The following FBXL4 variants were observed in gnomAD, a reference collection of about 807,000 sequenced individuals.
The protein encoded by FBXL4 is F-box and leucine rich repeat protein 4, also known as F-box/LRR-repeat protein 4.
FBXL4 carries 40 observed loss-of-function variants against 58.9 expected under a neutral mutation model. The observed-to-expected ratio is 0.68, with a 90% CI of 0.53 to 0.88. The LOEUF (loss-of-function observed/expected upper bound fraction) is 0.88. FBXL4 is among the 40% of genes least tolerant of loss of function. The pLI, the probability that FBXL4 is intolerant of heterozygous loss-of-function variation, is 0.00. For synonymous variants in FBXL4, 263 were observed against 265.5 expected (o/e 0.99, Z 0.09); for missense variants, 676 against 734.4 (o/e 0.92, Z 0.92).
At chr6:98,896,120 A>G (rs1490232117) in intron 7 of FBXL4, among the ~76,000 whole-genome samples, 3 of 152,152 alleles carry the variant, frequency 2.0e-5, no homozygotes, top group Non-Finnish European at 4.4e-5. Context: ...ATTTGAAATC[A>G]ATTACTGCTC....
rs578057768 is a variant in FBXL4, at chr6:98,872,069, C to T, written c.*2209G>A. The T allele has an allele frequency of 6.6e-6, 1 of 152,314 alleles. No individual in the cohort carries two copies. The highest frequency in any genetic ancestry group is 2.1e-4 in the South Asian group (1 of 4,824). The allele number at this position is 152,314 out of a possible 1,614,324, so 9.4% of individuals were successfully genotyped here. ...TTGAATTACAAGTAACAACAAGCTG[C>T]TTTACACATTTCCTGTGCTATCAAA... On this transcript the variant is annotated 3_prime_UTR_variant, in exon 10 of 10. Transcript: ENST00000369244.
chr6:98,920,526 A>G (rs953339365), intron 4 of FBXL4, among the ~76,000 whole-genome samples: 7 of 152,116 alleles, frequency 4.6e-5, no homozygotes, highest in African/African-American at 1.7e-4. Flanking sequence ...TTTTCTTGAT[A>G]ACCTAAAAAG....
intron 1 of FBXL4, among the ~76,000 whole-genome samples, chr6:98,939,175 TGAGA>T (rs1387914357): frequency 4.8e-5 from 7 of 146,046 alleles, no homozygotes; most frequent in African/African-American, 1.5e-4. Flanking sequence ...CGAAATGAAA[TGAGA>T]GAGAGAAAGA....
chr6:98,921,114 A>C (rs989034513), intron 4 of FBXL4, among the ~76,000 whole-genome samples: 1 of 152,180 alleles, frequency 6.6e-6, no homozygotes, highest in Non-Finnish European at 1.5e-5. Context: ...GGAGCATTCA[A>C]TTCTGGGATA....
intron 7 of FBXL4, among the ~76,000 whole-genome samples, chr6:98,881,468 T>C (rs1770851300): frequency 6.6e-6 from 1 of 152,062 alleles, no homozygotes; most frequent in African/African-American, 2.4e-5. Flanking sequence ...TTTTTAAATA[T>C]ATTTAAAAAT....
chr6:98,894,501 G>A (rs1771345149), intron 7 of FBXL4, among the ~76,000 whole-genome samples: 1 of 151,944 alleles, frequency 6.6e-6, no homozygotes, highest in African/African-American at 2.4e-5. Context: ...AGTAATTCTG[G>A]GATTACACAC....
intron 1 of FBXL4, among the ~76,000 whole-genome samples, chr6:98,939,659 C>T (rs867800449): frequency 1.3e-5 from 2 of 152,174 alleles, no homozygotes; most frequent in Non-Finnish European, 2.9e-5. Flanking sequence ...ATCTATGGTA[C>T]ATAACAAGCA....
intron 7 of FBXL4, chr6:98,897,106 C>G (rs958777373): frequency 2.0e-5 from 20 of 982,342 alleles, no homozygotes; most frequent in Non-Finnish European, 2.4e-5. Context: ...CATTTAATAA[C>G]TACATTTAAT....
At chr6:98,935,300 GTTT>G (rs1477321071) in intron 1 of FBXL4, among the ~76,000 whole-genome samples, 1 of 146,694 alleles carries the variant, frequency 6.8e-6, no homozygotes, top group Non-Finnish European at 1.5e-5. Context: ...GAGTGGAATG[GTTT>G]TTTGTTTTTT....
intron 1 of FBXL4, among the ~76,000 whole-genome samples, chr6:98,939,593 C>T (rs565166502): frequency 6.6e-6 from 1 of 152,160 alleles, no homozygotes; most frequent in African/African-American, 2.4e-5. Flanking sequence ...TCACAGTGGT[C>T]CTTTTGCTGG....
In FBXL4 at chr6:98,899,254, TG is replaced by T; in HGVS notation, c.1317+13del. ...ACCATAATAGCAATGATGAAAATTA[TG>T]AATTACTCTCACCTCTACTTTTGTT... is the stretch of plus-strand genomic sequence containing the variant. On this transcript the variant is annotated intron_variant, in intron 7 of 9. Transcript: ENST00000369244. The T allele has an allele frequency of 3.7e-6, 6 of 1,610,084 alleles. No individual in the cohort carries two copies. The highest frequency in any genetic ancestry group is 5.1e-6 in the Non-Finnish European group (6 of 1,177,182).
At chr6:98,909,826 A>G (rs1771961756) in intron 5 of FBXL4, among the ~76,000 whole-genome samples, 1 of 152,072 alleles carries the variant, frequency 6.6e-6, no homozygotes, top group African/African-American at 2.4e-5. Flanking sequence ...TTTCCATCAC[A>G]TGAGGTCTGG....
intron 8 of FBXL4, among the ~76,000 whole-genome samples, chr6:98,879,634 G>A (rs1582365810): frequency 6.6e-6 from 1 of 152,022 alleles, no homozygotes; most frequent in Admixed American, 6.5e-5. Flanking sequence ...TGTAATCCCG[G>A]CAATTTGGGA....
intron 7 of FBXL4, among the ~76,000 whole-genome samples, chr6:98,893,165 G>T (rs73503699): frequency 6.6e-6 from 1 of 152,028 alleles, no homozygotes; most frequent in African/African-American, 2.4e-5. Context: ...GTTTTAGTAC[G>T]TGTGGGACTT....
At chr6:98,916,363 C>G (rs1452157304) in intron 5 of FBXL4, among the ~76,000 whole-genome samples, 1 of 152,186 alleles carries the variant, frequency 6.6e-6, no homozygotes, top group East Asian at 1.9e-4. Flanking sequence ...AAGACACATG[C>G]ACACGTATGT....
At chr6:98,924,163 T>G (rs1431736030) in intron 4 of FBXL4, among the ~76,000 whole-genome samples, 2 of 152,220 alleles carry the variant, frequency 1.3e-5, no homozygotes, top group Non-Finnish European at 2.9e-5. Flanking sequence ...ACACATTACA[T>G]GTTCCATTGA....
intron 4 of FBXL4, among the ~76,000 whole-genome samples, chr6:98,919,033 C>T (rs569722704): frequency 1.6e-3 from 248 of 151,154 alleles, no homozygotes; most frequent in African/African-American, 5.8e-3. Context: ...ATAATGGCAA[C>T]GCATAGAAGA....
chr6:98,874,978 C>A (rs1479376525), intron 9 of FBXL4, among the ~76,000 whole-genome samples: 1 of 152,184 alleles, frequency 6.6e-6, no homozygotes, highest in Non-Finnish European at 1.5e-5. Context: ...TGGGGTAGAA[C>A]TATTCCTAAA....
chr6:98,931,812 G>A (rs1358191712), intron 2 of FBXL4, among the ~76,000 whole-genome samples: 2 of 152,246 alleles, frequency 1.3e-5, no homozygotes, highest in Middle Eastern at 6.8e-3. Flanking sequence ...CTTTTCCCTG[G>A]GAAATGAAGC....
Sources: allele counts gnomAD v4.1 joint callset (sites outside exome capture counted in the v4.1 genomes callset), GRCh38; gene constraint gnomAD v4.1.1; transcripts MANE v1.5; gene names NCBI Gene and HGNC (gene_info 2026-07-23, HGNC 2026-07-21).